CLMN: variants seen among roughly 807,000 people sequenced by gnomAD.
CLMN encodes calmin (calponin-like, transmembrane).
Under a neutral mutation model 92.7 loss-of-function variants are expected in CLMN, and 57 were observed. The observed-to-expected ratio is 0.61, with a 90% CI of 0.50 to 0.77. The LOEUF (loss-of-function observed/expected upper bound fraction) is 0.77. Among genes scored for constraint, CLMN ranks in the 30% least tolerant of loss-of-function variants. CLMN has a pLI of 0.00. For synonymous variants in CLMN, 466 were observed against 470.6 expected (o/e 0.99, Z 0.13); for missense variants, 1,158 against 1,237.5 (o/e 0.94, Z 0.96).
chr14:95,199,885 G>A (rs969853997), intron 9 of CLMN, among the ~76,000 whole-genome samples: 5 of 152,160 alleles, frequency 3.3e-5, no homozygotes, highest in African/African-American at 4.8e-5. Context: ...TTGGCTAGAG[G>A]GGAGGGAGAC....
chr14:95,315,574 C>T (rs1017546118), intron 1 of CLMN, among the ~76,000 whole-genome samples: 5 of 152,226 alleles, frequency 3.3e-5, no homozygotes, highest in South Asian at 2.1e-4. Context: ...GCTGATCCTT[C>T]GGAAAACGCA....
intron 1 of CLMN, among the ~76,000 whole-genome samples, chr14:95,274,903 CA>C (rs1208555897): frequency 3.3e-5 from 5 of 150,286 alleles, no homozygotes; most frequent in Admixed American, 6.7e-5. Context: ...CGCTTGAACC[CA>C]GGGGGGCAGA....
intron 1 of CLMN, among the ~76,000 whole-genome samples, chr14:95,236,622 G>A (rs1435845291): frequency 2.0e-5 from 3 of 152,204 alleles, no homozygotes; most frequent in Non-Finnish European, 2.9e-5. Flanking sequence ...CACTGCCAGG[G>A]GCAGAGGCCA....
At chr14:95,285,266 A>T (rs1250799667) in intron 1 of CLMN, among the ~76,000 whole-genome samples, 4 of 152,196 alleles carry the variant, frequency 2.6e-5, no homozygotes, top group African/African-American at 9.7e-5. Context: ...TGCCTTTATC[A>T]GCAGTGTGAA....
At chr14:95,310,261 G>C (rs568462191) in intron 1 of CLMN, among the ~76,000 whole-genome samples, 2 of 152,136 alleles carry the variant, frequency 1.3e-5, no homozygotes, top group Non-Finnish European at 2.9e-5. Flanking sequence ...TATTTCTTTA[G>C]AGCAATGCAA....
chr14:95,202,817 C>G, intron 9 of CLMN, 21 bp downstream of exon 9: 2 of 1,507,908 alleles, frequency 1.3e-6, no homozygotes, highest in Non-Finnish European at 1.8e-6. Flanking sequence ...CCCAGGGTTC[C>G]CAAATCCCAC....
At chr14:95,212,738 G>A (rs929484319) in intron 6 of CLMN, among the ~76,000 whole-genome samples, 1 of 151,192 alleles carries the variant, frequency 6.6e-6, no homozygotes, top group Non-Finnish European at 1.5e-5. Flanking sequence ...ACTGCATTTT[G>A]TGTGTACTGC....
intron 1 of CLMN, among the ~76,000 whole-genome samples, chr14:95,284,510 A>C (rs1351198021): frequency 6.6e-6 from 1 of 152,228 alleles, no homozygotes; most frequent in Non-Finnish European, 1.5e-5. Flanking sequence ...ATGTGAAAAC[A>C]GCCAGGAGGG....
At chr14:95,298,417 A>G (rs1900904129) in intron 1 of CLMN, among the ~76,000 whole-genome samples, 1 of 152,154 alleles carries the variant, frequency 6.6e-6, no homozygotes, top group Non-Finnish European at 1.5e-5. Flanking sequence ...CCTGGAGACC[A>G]AACTGGTGCA....
intron 1 of CLMN, among the ~76,000 whole-genome samples, chr14:95,267,520 A>G (rs1248510456): frequency 6.6e-6 from 1 of 152,228 alleles, no homozygotes; most frequent in Non-Finnish European, 1.5e-5. Flanking sequence ...TCTTAACCAA[A>G]AGACAGGAAA....
At chr14:95,285,778 G>A (rs1235648661) in intron 1 of CLMN, among the ~76,000 whole-genome samples, 1 of 152,150 alleles carries the variant, frequency 6.6e-6, no homozygotes, top group Non-Finnish European at 1.5e-5. Flanking sequence ...TAACAGGCGA[G>A]ATCACTGGGA....
rs1491471688 is a variant in CLMN, at chr14:95,214,345, T to TGC, written c.418-937_418-936insGC. 2.2e-4 allele frequency among the ~76,000 whole-genome samples: 18 copies of TGC among 81,602 alleles called. 1 individual carries two copies. The highest frequency in any genetic ancestry group is 1.0e-3 in the Admixed American group (10 of 9,660). 53.5% of individuals were successfully genotyped at this position (81,602 alleles called of 152,430 possible). ...TATAACACATGGTGGCTGCTGCTGCTTTTTTTTTTTTTTTTTTTTTTTGAG... is the reference window on the plus strand; with the variant it reads ...TATAACACATGGTGGCTGCTGCTGCTGCTTTTTTTTTTTTTTTTTTTTTTGAG... On this transcript the variant is annotated intron_variant, in intron 5 of 12. Transcript: ENST00000298912.
At chr14:95,286,878 C>G (rs1041821843) in intron 1 of CLMN, among the ~76,000 whole-genome samples, 2 of 152,194 alleles carry the variant, frequency 1.3e-5, no homozygotes, top group African/African-American at 4.8e-5. Context: ...CTGCTCACCA[C>G]GTGACCCCAC....
intron 1 of CLMN, among the ~76,000 whole-genome samples, chr14:95,261,324 C>T (rs1365391454): frequency 1.3e-5 from 2 of 152,240 alleles, no homozygotes; most frequent in African/African-American, 4.8e-5. Flanking sequence ...TCTGGCTGCT[C>T]AGACTTTATG....
In CLMN at chr14:95,185,436, A is replaced by C. The variant is rs1338404538; in HGVS notation, c.*6128T>G. 6.6e-6 allele frequency: 1 copy of C among 152,358 alleles called. No individual in the cohort carries two copies. The highest frequency in any genetic ancestry group is 1.5e-5 in the Non-Finnish European group (1 of 68,224). The allele number at this position is 152,358 out of a possible 1,614,324, so 9.4% of individuals were successfully genotyped here. ...TTCCACCACCCAACCCAGGTCCTGG[A>C]CCTTGTCATTAGGGCAGCCCCCTCA... On this transcript the variant is annotated 3_prime_UTR_variant, in exon 13 of 13. Transcript: ENST00000298912.
intron 1 of CLMN, among the ~76,000 whole-genome samples, chr14:95,231,522 A>T (rs1897889578): frequency 6.6e-6 from 1 of 152,186 alleles, no homozygotes; most frequent in African/African-American, 2.4e-5. Flanking sequence ...TAGGAGCTTG[A>T]AAACATCCCC....
chr14:95,276,504 T>G (rs1899933822), intron 1 of CLMN, among the ~76,000 whole-genome samples: 1 of 152,224 alleles, frequency 6.6e-6, no homozygotes, highest in Non-Finnish European at 1.5e-5. Context: ...CTTTAGGGAC[T>G]GACGAGTGGC....
chr14:95,210,557 TG>T, intron 7 of CLMN, 128 bp downstream of exon 7: 1 of 826,550 alleles, frequency 1.2e-6, no homozygotes, highest in Non-Finnish European at 1.9e-6. Context: ...ATGATCTGAG[TG>T]GTAGAAATAT....
chr14:95,233,763 G>A (rs141990611), intron 1 of CLMN, among the ~76,000 whole-genome samples: 8 of 152,300 alleles, frequency 5.3e-5, no homozygotes, highest in Middle Eastern at 3.4e-3. Context: ...GGAACAAGGC[G>A]GGGGGTGGCC....
Sources: gnomAD v4.1 joint callset for allele counts (sites outside exome capture counted in the v4.1 genomes callset) on GRCh38, gnomAD v4.1.1 for gene constraint, MANE v1.5 for transcripts, NCBI Gene and HGNC (gene_info 2026-07-23, HGNC 2026-07-21) for gene names.